Variants in COMMD1 observed in about 807,000 individuals in gnomAD.
COMMD1 encodes copper metabolism domain containing 1, also known as COMM domain-containing protein 1.
In COMMD1, 10 loss-of-function variants were observed where a neutral mutation model predicts 17.2. That is an observed-to-expected ratio of 0.58 (90% CI 0.36 to 0.99). The LOEUF (loss-of-function observed/expected upper bound fraction) is 0.99, where lower values mean the gene tolerates loss of function less well. COMMD1 is among the 50% of genes least tolerant of loss of function. The pLI, the probability that COMMD1 is intolerant of heterozygous loss-of-function variation, is 0.01. For synonymous variants in COMMD1, 97 were observed against 91.6 expected (o/e 1.06, Z -0.34); for missense variants, 270 against 231.8 (o/e 1.17, Z -1.07).
At chr2:61,898,499 G>T (rs564142399) in intron 1 of COMMD1, among the ~76,000 whole-genome samples, 1 of 152,150 alleles carries the variant, frequency 6.6e-6, no homozygotes, top group Admixed American at 6.6e-5. Context: ...CTGTTGAGTG[G>T]CCAGTTGAGC....
At chr2:62,050,832 C>T in intron 2 of COMMD1, among the ~76,000 whole-genome samples, 1 of 151,666 alleles carries the variant, frequency 6.6e-6, no homozygotes, top group Admixed American at 6.6e-5. Context: ...AGAACATGAA[C>T]TTTTTTTTTC....
intron 2 of COMMD1, among the ~76,000 whole-genome samples, chr2:62,062,601 C>A (rs1260377012): frequency 1.3e-5 from 2 of 151,804 alleles, no homozygotes; most frequent in African/African-American, 4.8e-5. Context: ...TAACTTATTA[C>A]AAATTGTTAC....
At chr2:62,086,006 T>G (rs542373501) in intron 2 of COMMD1, among the ~76,000 whole-genome samples, 1 of 151,176 alleles carries the variant, frequency 6.6e-6, no homozygotes, top group Non-Finnish European at 1.5e-5. Context: ...AACAAAAAAA[T>G]TTTTAAGAAA....
rs562807687 is a variant in COMMD1 at position 61,966,428 on chromosome 2, G to T, written c.181-34273G>T. Among the ~76,000 whole-genome samples the T allele has an allele frequency of 2.0e-4, 30 of 152,182 alleles. No individual in the cohort carries two copies. In the South Asian group the frequency reaches 3.5e-3, roughly 18 times the overall value. On this transcript the variant is annotated intron_variant, in intron 1 of 2. Transcript: ENST00000311832. The stretch of plus-strand genomic sequence containing the variant: ...TAAAATATGTAAATTTGTTAAATTA[G>T]CATGCAGAATATGGCAGTAATACCC...
chr2:61,913,813 AAAAAG>A (rs1239134413), intron 1 of COMMD1, among the ~76,000 whole-genome samples: 1 of 138,452 alleles, frequency 7.2e-6, no homozygotes, highest in Non-Finnish European at 1.5e-5. Flanking sequence ...AAAAAAAAAA[AAAAAG>A]AAAAGTGTGT....
chr2:61,966,417 T>A (rs576873244), intron 1 of COMMD1, among the ~76,000 whole-genome samples: 444 of 152,290 alleles, frequency 2.9e-3, no homozygotes, highest in African/African-American at 9.2e-3. Flanking sequence ...ATATGTAAAT[T>A]TGTTAAATTA....
chr2:62,065,430 T>C (rs1671009411), intron 2 of COMMD1, among the ~76,000 whole-genome samples: 1 of 143,556 alleles, frequency 7.0e-6, no homozygotes, highest in East Asian at 2.1e-4. Context: ...CTCAAGCAAG[T>C]CTCCCATCTC....
intron 1 of COMMD1, among the ~76,000 whole-genome samples, chr2:61,968,648 C>A (rs1671566557): frequency 6.6e-6 from 1 of 152,084 alleles, no homozygotes; most frequent in Non-Finnish European, 1.5e-5. Context: ...CCTTGGCCTT[C>A]TGGGCTCAAG....
At chr2:62,025,515 G>A (rs1411233942) in intron 2 of COMMD1, among the ~76,000 whole-genome samples, 3 of 152,142 alleles carry the variant, frequency 2.0e-5, no homozygotes, top group Non-Finnish European at 4.4e-5. Flanking sequence ...GGGGAACAGA[G>A]CAAGGCCCTG....
intron 1 of COMMD1, among the ~76,000 whole-genome samples, chr2:61,916,312 A>G (rs1670050349): frequency 6.6e-6 from 1 of 152,122 alleles, no homozygotes. Flanking sequence ...TTAAATTTCC[A>G]AGAGTTATCT....
intron 2 of COMMD1, among the ~76,000 whole-genome samples, chr2:62,116,676 CAAAAAAAAAAAAA>C (rs70962759): frequency 1.5e-3 from 43 of 28,542 alleles, no homozygotes; most frequent in Non-Finnish European, 1.9e-3. Context: ...TGTCTCATTA[CAAAAAAAAAAAAA>C]AAAAAAAAAA....
intron 1 of COMMD1, among the ~76,000 whole-genome samples, chr2:61,911,134 T>C (rs1368603080): frequency 2.0e-5 from 3 of 151,162 alleles, no homozygotes; most frequent in East Asian, 2.0e-4. Context: ...TTGTGTTGTC[T>C]ATTACTAATT....
rs763075178 is a variant in COMMD1, at chr2:62,035,743, TAAAAAAAAA to T, written c.462+34775_462+34783del. On this transcript the variant is annotated intron_variant, in intron 2 of 2. Transcript: ENST00000311832. ...CAACAGAGTGAGACTCTGTCTCAAT[TAAAAAAAAA>T]AAAAAAAAAAAAAGCAGGGCTGGCA... is the stretch of plus-strand genomic sequence containing the variant. Among the ~76,000 whole-genome samples, 5 of 95,026 alleles carry T rather than the reference TAAAAAAAAA, an allele frequency of 5.3e-5. No homozygotes were observed. The East Asian group carries it at 1.4e-3, about 27-fold the overall frequency. 62.3% of individuals were successfully genotyped at this position (95,026 alleles called of 152,430 possible).
chr2:61,993,339 T>C (rs1668649363), intron 1 of COMMD1, among the ~76,000 whole-genome samples: 1 of 152,220 alleles, frequency 6.6e-6, no homozygotes, highest in Non-Finnish European at 1.5e-5. Flanking sequence ...CAGGCATTTG[T>C]TTTTCTTTTT....
chr2:62,135,963 G>C lies in COMMD1; in HGVS notation c.*22G>C, dbSNP rs768049494. 1.1e-5 allele frequency: 15 copies of C among 1,314,826 alleles called. 1 individual carries two copies. The Admixed American group carries it at 2.5e-4, about 22-fold the overall frequency. The allele number at this position is 1,314,826 out of a possible 1,614,324, so 81.4% of individuals were successfully genotyped here. ...CTGAAGATGATGTATGAAGGAGTTG[G>C]AGTTGTTGAAACCAAGGTGTCCATG... On this transcript the variant is annotated 3_prime_UTR_variant, in exon 3 of 3. Transcript: ENST00000311832.
chr2:62,124,726 T>G (rs1031413476), intron 2 of COMMD1, among the ~76,000 whole-genome samples: 6 of 152,110 alleles, frequency 3.9e-5, no homozygotes, highest in African/African-American at 1.4e-4. Flanking sequence ...ATTTTTGTAT[T>G]TTTAGTGGAG....
chr2:61,941,930 C>T (rs1025301580), intron 1 of COMMD1, among the ~76,000 whole-genome samples: 1 of 152,150 alleles, frequency 6.6e-6, no homozygotes, highest in Non-Finnish European at 1.5e-5. Context: ...CCAACATTGA[C>T]TATCTTCTTG....
At chr2:62,113,468 C>T (rs2104051213) in intron 2 of COMMD1, among the ~76,000 whole-genome samples, 1 of 152,280 alleles carries the variant, frequency 6.6e-6, no homozygotes, top group African/African-American at 2.4e-5. Context: ...ACTGCAACCT[C>T]CACCTCCCAG....
intron 1 of COMMD1, among the ~76,000 whole-genome samples, chr2:62,000,162 A>T (rs1668884967): frequency 6.6e-6 from 1 of 151,882 alleles, no homozygotes; most frequent in African/African-American, 2.4e-5. Flanking sequence ...GACCTCAAGC[A>T]ATCTGCCCAC....
Sources: gnomAD v4.1 joint callset for allele counts (sites outside exome capture counted in the v4.1 genomes callset) on GRCh38, gnomAD v4.1.1 for gene constraint, MANE v1.5 for transcripts, NCBI Gene and HGNC (gene_info 2026-07-23, HGNC 2026-07-21) for gene names.